ENOX2: variants seen among roughly 807,000 people sequenced by gnomAD.
ENOX2 encodes the protein ecto-NOX disulfide-thiol exchanger 2.
A neutral mutation model predicts 45.0 loss-of-function variants in ENOX2; 36 were observed. The observed-to-expected ratio is 0.80, with a 90% CI of 0.61 to 1.06. ENOX2 has a LOEUF of 1.06. Among genes scored for constraint, ENOX2 ranks in the 50% least tolerant of loss-of-function variants. The probability of loss-of-function intolerance (pLI) is 0.00; values close to 1 mark genes in which losing one functional copy is unlikely to be tolerated. For missense variants in ENOX2, 423 were observed against 462.5 expected (o/e 0.91, Z 0.78); for synonymous variants, 174 against 152.3 (o/e 1.14, Z -1.05).
At chrX:130,636,322 T>A (rs2035931329) in intron 11 of ENOX2, among the ~76,000 whole-genome samples, 1 of 112,802 alleles carries the variant, frequency 8.9e-6, no homozygotes, top group African/African-American at 3.2e-5. Context: ...GCAGAAAGAA[T>A]AACATAGGGT....
chrX:130,747,531 TC>T (rs1382621004), intron 3 of ENOX2, among the ~76,000 whole-genome samples: 1 of 112,395 alleles, frequency 8.9e-6, no homozygotes, highest in African/African-American at 3.2e-5. Context: ...AGAATATTGA[TC>T]ACTACCTCTC....
intron 3 of ENOX2, among the ~76,000 whole-genome samples, chrX:130,751,654 C>G (rs1387425323): frequency 8.9e-6 from 1 of 112,017 alleles, no homozygotes; most frequent in Non-Finnish European, 1.9e-5. Context: ...TTCTAAGTGG[C>G]TGAACCATTT....
intron 2 of ENOX2, among the ~76,000 whole-genome samples, chrX:130,891,151 G>A (rs938932039): frequency 3.6e-5 from 4 of 110,490 alleles, no homozygotes; most frequent in Admixed American, 9.6e-5. Context: ...GACCAGCCTG[G>A]GCAAGAGAGT....
At chrX:130,761,121 T>C (rs2039481299) in intron 3 of ENOX2, among the ~76,000 whole-genome samples, 1 of 111,560 alleles carries the variant, frequency 9.0e-6, no homozygotes, top group South Asian at 3.7e-4. Context: ...AATACTGGTC[T>C]GCACTTTTCA....
chrX:130,799,426 A>C (rs1025143575), intron 2 of ENOX2, among the ~76,000 whole-genome samples: 2 of 111,604 alleles, frequency 1.8e-5, no homozygotes, highest in African/African-American at 6.5e-5. Flanking sequence ...CAGACGGCCC[A>C]TTGTGGGACT....
Position 130,709,443 on chromosome X carries a change from A to T in ENOX2, c.-38-6189T>A, listed in dbSNP as rs1333469255. ...CATTTGAGGTCAGGAGTTCAAGACCAGCCAGGTCAACATGGTAAAACCCAA... is the reference window on the plus strand; with the variant it reads ...CATTTGAGGTCAGGAGTTCAAGACCTGCCAGGTCAACATGGTAAAACCCAA... On this transcript the variant is annotated intron_variant, in intron 3 of 14. Transcript: ENST00000394363. 7.9e-6 allele frequency: 4 copies of T among 506,880 alleles called. No homozygotes were observed. In the Admixed American group the frequency reaches 1.1e-4, roughly 14 times the overall value. 41.8% of individuals were successfully genotyped at this position (506,880 alleles called of 1,213,427 possible).
At chrX:130,649,043 C>CAAAAAA (rs35154919) in intron 10 of ENOX2, among the ~76,000 whole-genome samples, 22 of 6,789 alleles carry the variant, frequency 3.2e-3, no homozygotes, top group Non-Finnish European at 4.3e-3. Context: ...GACTCCATAT[C>CAAAAAA]AAAAAAAAAA....
intron 3 of ENOX2, among the ~76,000 whole-genome samples, chrX:130,718,580 G>A (rs906743470): frequency 2.7e-5 from 3 of 112,138 alleles, no homozygotes; most frequent in African/African-American, 6.5e-5. Flanking sequence ...GTGAGTAAAC[G>A]ATGTTGCTGT....
intron 3 of ENOX2, among the ~76,000 whole-genome samples, chrX:130,759,306 T>C (rs375554290): frequency 9.0e-6 from 1 of 111,297 alleles, no homozygotes; most frequent in East Asian, 2.8e-4. Context: ...AAAGGTCAGA[T>C]GCCCTCCACT....
chrX:130,653,445 C>G (rs183196793), intron 10 of ENOX2, among the ~76,000 whole-genome samples: 25 of 111,859 alleles, frequency 2.2e-4, no homozygotes, highest in African/African-American at 7.8e-4. Context: ...CTACTCTACT[C>G]AGTCTTTTGT....
In ENOX2 at chrX:130,670,213, G is replaced by C; in HGVS notation, c.461-15C>G. ...AATGCGGTAACCTAAGTCCACAGGAGGGTGAAAGGGAGAGGAGAGAGGGAG... is the reference window on the plus strand; with the variant it reads ...AATGCGGTAACCTAAGTCCACAGGACGGTGAAAGGGAGAGGAGAGAGGGAG... On this transcript the variant is annotated splice_polypyrimidine_tract_variant and intron_variant, in intron 6 of 14. Transcript: ENST00000394363. 2 of 1,110,851 alleles carry C rather than the reference G, an allele frequency of 1.8e-6. No individual in the cohort carries two copies. The highest frequency in any genetic ancestry group is 2.5e-6 in the Non-Finnish European group (2 of 805,679). 91.5% of individuals were successfully genotyped at this position (1,110,851 alleles called of 1,213,427 possible).
intron 6 of ENOX2, among the ~76,000 whole-genome samples, 200 bp from the exon 7 acceptor site, chrX:130,670,398 C>T (rs183974043): frequency 9.0e-5 from 10 of 111,645 alleles, no homozygotes; most frequent in Non-Finnish European, 1.9e-4. Flanking sequence ...GCAAGTAAAT[C>T]ATCAAAAGAT....
At chrX:130,669,091 C>A (rs1218816261) in intron 7 of ENOX2, among the ~76,000 whole-genome samples, 1 of 111,927 alleles carries the variant, frequency 8.9e-6, no homozygotes, top group African/African-American at 3.2e-5. Flanking sequence ...GTGAAGGAGA[C>A]CTATTTGGAA....
At chrX:130,801,363 T>G (rs1351460606) in intron 2 of ENOX2, among the ~76,000 whole-genome samples, 1 of 111,728 alleles carries the variant, frequency 9.0e-6, no homozygotes, top group Non-Finnish European at 1.9e-5. Context: ...AATGTCAATA[T>G]GTGGAGGAGC....
intron 2 of ENOX2, among the ~76,000 whole-genome samples, chrX:130,822,010 G>C (rs2077622426): frequency 1.0e-5 from 1 of 100,205 alleles, no homozygotes; most frequent in Non-Finnish European, 2.0e-5. Flanking sequence ...AGAGGTTGCA[G>C]TGAGCCGAGA....
intron 10 of ENOX2, among the ~76,000 whole-genome samples, chrX:130,648,330 C>T (rs904064214): frequency 6.4e-5 from 7 of 109,404 alleles, no homozygotes; most frequent in Admixed American, 2.9e-4. Context: ...CCCAGCTACT[C>T]GGGAGGCTGA....
chrX:130,663,098 C>T (rs2036999288), intron 9 of ENOX2, among the ~76,000 whole-genome samples: 1 of 112,468 alleles, frequency 8.9e-6, no homozygotes, highest in African/African-American at 3.2e-5. Context: ...TAATTAAACT[C>T]AAGTATATAT....
chrX:130,781,328 T>G (rs1169757690), intron 3 of ENOX2, among the ~76,000 whole-genome samples: 2 of 111,989 alleles, frequency 1.8e-5, no homozygotes, highest in Non-Finnish European at 3.8e-5. Context: ...CTTATTTCAC[T>G]TATTTTAAAG....
Position 130,670,124 on chromosome X carries a change from G to C in ENOX2, c.535C>G (p.Arg179Gly). The C allele has an allele frequency of 8.3e-7, 1 of 1,210,355 alleles. No individual in the cohort carries two copies. The change falls in exon 7 of 15, where the codon CGA becomes GGA. Residue 179 changes from arginine to glycine, a missense_variant. Arg to Gly is a moderately radical substitution (Grantham distance 125, BLOSUM62 -2). Coordinates refer to ENST00000394363, the MANE Select transcript of ENOX2 (RefSeq NM_006375.4). ...CACTCCCACTCATACAGGTCATCTCGAGCCTGTGCGAAATCAACGTGGAGT... is the reference window on the plus strand; with the variant it reads ...CACTCCCACTCATACAGGTCATCTCCAGCCTGTGCGAAATCAACGTGGAGT... Reference protein sequence around the residue: ...GRLHVDFAQARDDLYEWECKQ... With the variant: ...GRLHVDFAQAGDDLYEWECKQ...
Sources: gnomAD v4.1 joint callset for allele counts (sites outside exome capture counted in the v4.1 genomes callset) on GRCh38, gnomAD v4.1.1 for gene constraint, MANE v1.5 for transcripts, NCBI Gene and HGNC (gene_info 2026-07-23, HGNC 2026-07-21) for gene names.